Variants in COMMD1 observed in about 807,000 individuals in gnomAD.
COMMD1 encodes copper metabolism domain containing 1, also known as COMM domain-containing protein 1.
COMMD1 carries 10 observed loss-of-function variants against 17.2 expected under a neutral mutation model. The ratio of observed to expected loss-of-function variants is 0.58; its 90% confidence interval spans 0.36 to 0.99. COMMD1 has a LOEUF of 0.99. Ranked by LOEUF, COMMD1 falls within the 50% of genes least tolerant of loss-of-function variation. COMMD1 has a pLI of 0.01. For synonymous variants in COMMD1, 97 were observed against 91.6 expected (o/e 1.06, Z -0.34); for missense variants, 270 against 231.8 (o/e 1.17, Z -1.07).
At chr2:62,063,436 C>T (rs1160127041) in intron 2 of COMMD1, among the ~76,000 whole-genome samples, 2 of 151,972 alleles carry the variant, frequency 1.3e-5, no homozygotes, top group Non-Finnish European at 2.9e-5. Flanking sequence ...ATGATCCGCC[C>T]GCCTCAGCCT....
chr2:61,975,115 TTTC>T (rs1487220217), intron 1 of COMMD1, among the ~76,000 whole-genome samples: 1 of 114,278 alleles, frequency 8.8e-6, no homozygotes, highest in African/African-American at 3.5e-5. Context: ...AGCTCATTTC[TTTC>T]TTTTTTTTTT....
Position 62,025,239 on chromosome 2 carries a change from A to T in COMMD1, c.462+24257A>T, listed in dbSNP as rs960178444. On this transcript the variant is annotated intron_variant, in intron 2 of 2. Transcript: ENST00000311832. The stretch of plus-strand genomic sequence containing the variant: ...TGCCTCAAAAAACAAACAAACAAAT[A>T]AAAAAAAACCAGGCTGGGTACGGTG... Among the ~76,000 whole-genome samples, 6 of 150,564 alleles carry T rather than the reference A, an allele frequency of 4.0e-5. No homozygotes were observed. The South Asian group carries it at 6.3e-4, about 16-fold the overall frequency.
chr2:62,013,519 A>C (rs1294686828), intron 2 of COMMD1, among the ~76,000 whole-genome samples: 1 of 152,210 alleles, frequency 6.6e-6, no homozygotes, highest in Non-Finnish European at 1.5e-5. Flanking sequence ...GATAACTAAT[A>C]AAAATCAGTA....
upstream of COMMD1, among the ~76,000 whole-genome samples, chr2:61,900,809 A>G (rs1669640429): frequency 6.6e-6 from 1 of 152,206 alleles, no homozygotes; most frequent in Non-Finnish European, 1.5e-5. Flanking sequence ...ATTGTAGGCT[A>G]CATTTGGTGG....
chr2:62,114,267 C>T (rs2104053293), intron 2 of COMMD1, among the ~76,000 whole-genome samples: 1 of 152,208 alleles, frequency 6.6e-6, no homozygotes, highest in South Asian at 2.1e-4. Context: ...TTGTTCTAAT[C>T]TCTTACACAG....
At chr2:62,063,999 A>T (rs1318768766) in intron 2 of COMMD1, among the ~76,000 whole-genome samples, 1 of 149,558 alleles carries the variant, frequency 6.7e-6, no homozygotes, top group East Asian at 2.0e-4. Context: ...GTGAGTGGTG[A>T]TCACACCACT....
intron 2 of COMMD1, among the ~76,000 whole-genome samples, chr2:62,115,864 T>TTTC: frequency 1.4e-5 from 2 of 143,574 alleles, no homozygotes; most frequent in Non-Finnish European, 3.1e-5. Context: ...TTCTTTCTTT[T>TTTC]TTTTTTTTTT....
intron 2 of COMMD1, among the ~76,000 whole-genome samples, chr2:62,007,341 A>C (rs888933524): frequency 6.6e-6 from 1 of 152,190 alleles, no homozygotes; most frequent in African/African-American, 2.4e-5. Flanking sequence ...TACATTACAG[A>C]ATCAAAATAG....
intron 1 of COMMD1, among the ~76,000 whole-genome samples, chr2:61,917,684 C>T (rs377620119): frequency 6.6e-6 from 1 of 152,194 alleles, no homozygotes; most frequent in Middle Eastern, 3.4e-3. Flanking sequence ...CCCACCATCA[C>T]GCCCGGCTAA....
At chr2:62,089,885 G>A (rs754953599) in intron 2 of COMMD1, among the ~76,000 whole-genome samples, 4 of 151,402 alleles carry the variant, frequency 2.6e-5, no homozygotes, top group African/African-American at 9.7e-5. Flanking sequence ...GTCCCACAGC[G>A]CTAAGAAGGC....
intron 2 of COMMD1, among the ~76,000 whole-genome samples, chr2:62,072,800 C>T (rs1463784859): frequency 6.6e-6 from 1 of 152,260 alleles, no homozygotes; most frequent in African/African-American, 2.4e-5. Context: ...GGTCCAGCCA[C>T]ACCCTTGTAC....
At chr2:62,023,500 T>TA (rs755912899) in intron 2 of COMMD1, among the ~76,000 whole-genome samples, 23 of 151,628 alleles carry the variant, frequency 1.5e-4, no homozygotes, top group Non-Finnish European at 2.6e-4. Context: ...TTTTTTTTTT[T>TA]AATACAGAAT....
intron 1 of COMMD1, among the ~76,000 whole-genome samples, chr2:61,958,435 T>C (rs1671251756): frequency 6.6e-6 from 1 of 152,122 alleles, no homozygotes; most frequent in Admixed American, 6.5e-5. Flanking sequence ...TCTGGCTAAT[T>C]TTTGAATTTT....
chr2:61,990,982 T>G (rs1672238198), intron 1 of COMMD1, among the ~76,000 whole-genome samples: 1 of 147,124 alleles, frequency 6.8e-6, no homozygotes, highest in African/African-American at 2.5e-5. Flanking sequence ...TCCCAGCTAC[T>G]CAGAAGACTG....
chr2:62,108,628 A>G (rs866680414), intron 2 of COMMD1, among the ~76,000 whole-genome samples: 37 of 152,164 alleles, frequency 2.4e-4, no homozygotes, highest in African/African-American at 8.2e-4. Flanking sequence ...ATTAAGAGTC[A>G]TTTTGCCCTT....
chr2:62,034,242 C>T (rs1338007431), intron 2 of COMMD1, among the ~76,000 whole-genome samples: 1 of 152,100 alleles, frequency 6.6e-6, no homozygotes, highest in Non-Finnish European at 1.5e-5. Context: ...GTGGCTCACA[C>T]CTGTAATCCA....
At chr2:61,920,961 G>A (rs1211673017) in intron 1 of COMMD1, among the ~76,000 whole-genome samples, 2 of 52,066 alleles carry the variant, frequency 3.8e-5, no homozygotes, top group South Asian at 1.3e-3. Flanking sequence ...ATATATATAT[G>A]TGTGTATATA....
At chr2:62,096,449 G>T (rs1309733029) in intron 2 of COMMD1, among the ~76,000 whole-genome samples, 1 of 152,176 alleles carries the variant, frequency 6.6e-6, no homozygotes, top group Non-Finnish European at 1.5e-5. Flanking sequence ...GAGGGTAAAA[G>T]GAAGACTATG....
At chr2:62,035,694 A>G (rs907928363) in intron 2 of COMMD1, among the ~76,000 whole-genome samples, 1 of 149,242 alleles carries the variant, frequency 6.7e-6, no homozygotes, top group Non-Finnish European at 1.5e-5. Flanking sequence ...AGATGTGATC[A>G]TGCCAACTGC....
Sources: allele counts gnomAD v4.1 joint callset (sites outside exome capture counted in the v4.1 genomes callset), GRCh38; gene constraint gnomAD v4.1.1; transcripts MANE v1.5; gene names NCBI Gene and HGNC (gene_info 2026-07-23, HGNC 2026-07-21).